SORBS2: variants seen among roughly 807,000 people sequenced by gnomAD.
The protein encoded by SORBS2 is sorbin and SH3 domain-containing protein 2.
SORBS2 carries 46 observed loss-of-function variants against 97.7 expected under a neutral mutation model. That is an observed-to-expected ratio of 0.47 (90% CI 0.37 to 0.60). SORBS2 has a LOEUF of 0.60. Ranked by LOEUF, SORBS2 falls within the 20% of genes least tolerant of loss-of-function variation. The pLI is 0.00. For missense variants in SORBS2, 1,316 were observed against 1,282.3 expected, an observed-to-expected ratio of 1.03 and a Z score of -0.40; for synonymous variants, 476 against 473.4, an observed-to-expected ratio of 1.01 and a Z score of -0.07.
intron 1 of SORBS2, among the ~76,000 whole-genome samples, chr4:185,896,528 G>C (rs866000934): frequency 6.6e-6 from 1 of 152,214 alleles, no homozygotes; most frequent in African/African-American, 2.4e-5. Flanking sequence ...AGGTTGCAGT[G>C]AGCCAAGATC....
intron 2 of SORBS2, among the ~76,000 whole-genome samples, chr4:185,707,177 A>C (rs1308586004): frequency 1.3e-5 from 2 of 152,160 alleles, no homozygotes; most frequent in Non-Finnish European, 1.5e-5. Context: ...GCCTCACAAC[A>C]ACCAAACAAG....
chr4:185,663,374 T>C (rs1043824950), intron 4 of SORBS2, among the ~76,000 whole-genome samples: 12 of 152,234 alleles, frequency 7.9e-5, no homozygotes, highest in Admixed American at 3.9e-4. Flanking sequence ...TGACCTAGAA[T>C]AAGTCTAATT....
chr4:185,748,680 C>T (rs1173563282), intron 2 of SORBS2, among the ~76,000 whole-genome samples: 5 of 152,196 alleles, frequency 3.3e-5, no homozygotes, highest in Non-Finnish European at 7.3e-5. Context: ...ATGTTAACTA[C>T]CTCAAAATAA....
intron 1 of SORBS2, among the ~76,000 whole-genome samples, chr4:185,654,328 A>T (rs1392266716): frequency 6.6e-6 from 1 of 152,212 alleles, no homozygotes; most frequent in Non-Finnish European, 1.5e-5. Context: ...TTTCTCTTTC[A>T]TTAAACCTCA....
intron 2 of SORBS2, among the ~76,000 whole-genome samples, chr4:185,723,325 A>G (rs551712875): frequency 7.6e-4 from 116 of 152,298 alleles, no homozygotes; most frequent in African/African-American, 2.8e-3. Flanking sequence ...AGAACTTTGA[A>G]AACAGTTTTA....
At chr4:185,677,457 A>G (rs1310152634) in intron 4 of SORBS2, 1 of 1,552,070 alleles carries the variant, frequency 6.4e-7, no homozygotes, top group Non-Finnish European at 8.7e-7. Flanking sequence ...AGAATATACA[A>G]TTGTCTGTCT....
intron 2 of SORBS2, among the ~76,000 whole-genome samples, chr4:185,716,360 C>T (rs1342326280): frequency 1.3e-5 from 2 of 152,240 alleles, no homozygotes; most frequent in East Asian, 1.9e-4. Context: ...GGGATAACAA[C>T]GGTGCCAACC....
At chr4:185,913,665 A>C (rs1249774313) in intron 1 of SORBS2, among the ~76,000 whole-genome samples, 1 of 152,172 alleles carries the variant, frequency 6.6e-6, no homozygotes, top group Non-Finnish European at 1.5e-5. Context: ...GCAAGACAGG[A>C]GTTAGAGCAA....
chr4:185,799,041 T>C (rs1323923533), intron 1 of SORBS2, among the ~76,000 whole-genome samples: 1 of 152,206 alleles, frequency 6.6e-6, no homozygotes, highest in Non-Finnish European at 1.5e-5. Context: ...ATAAATGTAC[T>C]GACATCAATT....
chr4:185,755,617 A>G (rs2098826156), intron 2 of SORBS2, among the ~76,000 whole-genome samples: 1 of 152,202 alleles, frequency 6.6e-6, no homozygotes, highest in South Asian at 2.1e-4. Context: ...ATTCTCATAG[A>G]GGTTGGAAGT....
In SORBS2 at chr4:185,652,254, C is replaced by T. The variant is rs182379128; in HGVS notation, c.91+408G>A. ...CCTCTCTGCTCTGGATCGCAAATTT[C>T]CTTTACTAAGTGCTTTAGTGGTCTC... On this transcript the variant is annotated intron_variant, in intron 2 of 14. Coordinates refer to ENST00000418609, the Ensembl canonical transcript of SORBS2. Among the ~76,000 whole-genome samples, 533 of 152,316 alleles carry T rather than the reference C, an allele frequency of 3.5e-3. 2 individuals carry two copies. The highest frequency in any genetic ancestry group is 0.012 in the African/African-American group (508 of 41,578).
intron 1 of SORBS2, chr4:185,933,430 G>A (rs2099267419): frequency 6.6e-6 from 1 of 152,082 alleles, no homozygotes; most frequent in African/African-American, 2.4e-5. Flanking sequence ...TGTGAGAAAT[G>A]CATCCTGTGA....
intron 4 of SORBS2, among the ~76,000 whole-genome samples, chr4:185,662,609 G>A (rs185279222): frequency 2.8e-3 from 420 of 152,324 alleles, no homozygotes; most frequent in South Asian, 4.4e-3. Context: ...ATCAGAACAC[G>A]GTGGTGCTGT....
intron 1 of SORBS2, among the ~76,000 whole-genome samples, chr4:185,879,431 C>A (rs370097883): frequency 1.3e-5 from 2 of 151,502 alleles, no homozygotes; most frequent in Admixed American, 6.6e-5. Context: ...GATGGACATT[C>A]GGGTTGGTTC....
chr4:185,952,941 T>C (rs559199023), intron 1 of SORBS2, among the ~76,000 whole-genome samples: 1 of 152,342 alleles, frequency 6.6e-6, no homozygotes, highest in South Asian at 2.1e-4. Context: ...GGTTACAGCC[T>C]GAGCTTCGAA....
At chr4:185,863,857 GTGT>G (rs1021224491) in intron 1 of SORBS2, among the ~76,000 whole-genome samples, 51 of 152,044 alleles carry the variant, frequency 3.4e-4, no homozygotes, top group African/African-American at 1.2e-3. Context: ...CCCCATTTTA[GTGT>G]TGTTTGTACA....
chr4:185,798,010 A>G (rs761800403), intron 1 of SORBS2, among the ~76,000 whole-genome samples: 6 of 152,188 alleles, frequency 3.9e-5, no homozygotes, highest in Non-Finnish European at 8.8e-5. Context: ...CCCTCATCCC[A>G]AAGACTGAAC....
intron 4 of SORBS2, among the ~76,000 whole-genome samples, chr4:185,674,558 T>C (rs888048197): frequency 1.3e-5 from 2 of 152,162 alleles, no homozygotes; most frequent in Non-Finnish European, 2.9e-5. Context: ...ATAATAATGG[T>C]GGTAGCCTCA....
intron 1 of SORBS2, among the ~76,000 whole-genome samples, chr4:185,940,764 C>G (rs369120575): frequency 2.6e-5 from 4 of 152,140 alleles, no homozygotes; most frequent in African/African-American, 9.7e-5. Flanking sequence ...GTTTTCTCAT[C>G]GCTGCAAAAT....
Sources: allele counts gnomAD v4.1 joint callset (sites outside exome capture counted in the v4.1 genomes callset), GRCh38; gene constraint gnomAD v4.1.1; transcripts MANE v1.5; gene names NCBI Gene and HGNC (gene_info 2026-07-23, HGNC 2026-07-21).